The following AGK variants were observed in gnomAD, a reference collection of about 807,000 sequenced individuals.
The protein encoded by AGK is acylglycerol kinase, also known as acylglycerol kinase, mitochondrial.
Under a neutral mutation model 66.4 loss-of-function variants are expected in AGK, and 52 were observed. The ratio of observed to expected loss-of-function variants is 0.78; its 90% CI spans 0.63 to 0.99. AGK has a LOEUF of 0.99. Among genes scored for constraint, AGK ranks in the 50% least tolerant of loss-of-function variants. The pLI is 0.00. For synonymous variants in AGK, 182 were observed against 181.1 expected, an observed-to-expected ratio of 1.00 and a Z score of -0.04; for missense variants, 451 against 506.6, an observed-to-expected ratio of 0.89 and a Z score of 1.05.
chr7:141,606,923 C>T (rs907634977), intron 5 of AGK, among the ~76,000 whole-genome samples: 3 of 152,096 alleles, frequency 2.0e-5, no homozygotes, highest in Admixed American at 2.0e-4. Flanking sequence ...AGTATGTAGT[C>T]TTTTCAGATT....
intron 9 of AGK, among the ~76,000 whole-genome samples, chr7:141,624,512 G>A (rs1016062089): frequency 2.8e-4 from 42 of 152,164 alleles, no homozygotes; most frequent in African/African-American, 8.2e-4. Context: ...ACAGAAGTTT[G>A]GAAGAAGTTG....
At chr7:141,634,434 C>T (rs959590274) in intron 10 of AGK, among the ~76,000 whole-genome samples, 2 of 152,118 alleles carry the variant, frequency 1.3e-5, no homozygotes, top group Non-Finnish European at 1.5e-5. Context: ...GACCACAGGC[C>T]GCTGCTCTTA....
intron 3 of AGK, 148 bp downstream of exon 3, chr7:141,593,333 C>A: frequency 1.3e-6 from 1 of 751,972 alleles, no homozygotes; most frequent in Non-Finnish European, 2.3e-6. Context: ...CGCTGGGAGC[C>A]AACTCTGAGT....
At chr7:141,621,009 C>G (rs1302763801) in intron 8 of AGK, among the ~76,000 whole-genome samples, 1 of 152,158 alleles carries the variant, frequency 6.6e-6, no homozygotes, top group Non-Finnish European at 1.5e-5. Flanking sequence ...ATTCTGTCCA[C>G]CTAAGGGAAG....
intron 8 of AGK, among the ~76,000 whole-genome samples, chr7:141,617,133 G>A (rs1796723630): frequency 6.6e-6 from 1 of 152,134 alleles, no homozygotes; most frequent in Non-Finnish European, 1.5e-5. Flanking sequence ...TGATTCAGGT[G>A]TTGGTTACAT....
Position 141,584,969 on chromosome 7 carries a change from G to A in AGK, c.102-8177G>A, listed in dbSNP as rs746682784. ...GTTGCATTGGGCTTGGGAGAGGTAA[G>A]AAGATACAAATTTCTTTGGTAGCAG... is the stretch of plus-strand genomic sequence containing the variant. On this transcript the variant is annotated intron_variant, in intron 2 of 15. Transcript: ENST00000649286. Among the ~76,000 whole-genome samples the A allele has an allele frequency of 3.9e-4, 60 of 152,206 alleles. 1 individual carries two copies. Among genetic ancestry groups the A allele is most frequent in the Non-Finnish European group, 1.2e-4 (8 of 68,042 alleles).
chr7:141,593,093 T>G (rs997561146), intron 2 of AGK, 53 bp from the exon 3 acceptor site: 2 of 1,500,438 alleles, frequency 1.3e-6, no homozygotes, highest in African/African-American at 2.8e-5. Context: ...AAATTTTGTT[T>G]GGATCATAAT....
chr7:141,584,265 G>C (rs778915592), intron 2 of AGK, among the ~76,000 whole-genome samples: 5 of 152,122 alleles, frequency 3.3e-5, no homozygotes, highest in South Asian at 2.1e-4. Context: ...CAGTGGGGGA[G>C]CTTTTGAGCC....
rs555136932 is a variant in AGK, at chr7:141,640,696, C to T, written c.727-552C>T. 3.2e-4 allele frequency among the ~76,000 whole-genome samples: 48 copies of T among 152,130 alleles called. No individual in the cohort carries two copies. In the South Asian group the frequency reaches 8.9e-3, roughly 28 times the overall value. ...TGGGGTATGGTTTTATTCATTCATGCGGTCAGGATGTGATCCAGGGTGACA... is the reference window on the plus strand; with the variant it reads ...TGGGGTATGGTTTTATTCATTCATGTGGTCAGGATGTGATCCAGGGTGACA... On this transcript the variant is annotated intron_variant, in intron 11 of 15. Transcript: ENST00000649286.
chr7:141,574,872 G>T (rs931372461), intron 2 of AGK, among the ~76,000 whole-genome samples: 13 of 152,226 alleles, frequency 8.5e-5, no homozygotes, highest in African/African-American at 3.1e-4. Context: ...GAGCGAGAAA[G>T]AATAGGTACC....
intron 5 of AGK, among the ~76,000 whole-genome samples, chr7:141,601,585 A>C (rs1796341518): frequency 6.6e-6 from 1 of 152,244 alleles, no homozygotes; most frequent in South Asian, 2.1e-4. Flanking sequence ...CTGAAAATAC[A>C]CAACCTTCAA....
intron 2 of AGK, among the ~76,000 whole-genome samples, chr7:141,557,310 A>G (rs1371103041): frequency 6.6e-6 from 1 of 152,234 alleles, no homozygotes; most frequent in Non-Finnish European, 1.5e-5. Flanking sequence ...GCCAGCATCT[A>G]AGGAAAAAAG....
At chr7:141,638,837 A>G in intron 11 of AGK, among the ~76,000 whole-genome samples, 1 of 152,194 alleles carries the variant, frequency 6.6e-6, no homozygotes, top group East Asian at 1.9e-4. Flanking sequence ...TACCTGTGGT[A>G]CAGACAAGCA....
chr7:141,585,130 T>A (rs930777107), intron 2 of AGK, among the ~76,000 whole-genome samples: 1 of 152,218 alleles, frequency 6.6e-6, no homozygotes, highest in African/African-American at 2.4e-5. Context: ...CTTTCTGACC[T>A]GTTACACTGC....
chr7:141,614,958 T>C (rs917638461), intron 7 of AGK, among the ~76,000 whole-genome samples: 1 of 152,206 alleles, frequency 6.6e-6, no homozygotes, highest in Non-Finnish European at 1.5e-5. Flanking sequence ...CCTTACAGTA[T>C]CTATTGTATG....
intron 2 of AGK, chr7:141,562,118 G>T: frequency 2.2e-6 from 1 of 455,646 alleles, no homozygotes. Flanking sequence ...TAGGTTTAGT[G>T]TGCTGGCTTT....
At chr7:141,579,848 G>A (rs1425093349) in intron 2 of AGK, among the ~76,000 whole-genome samples, 1 of 151,996 alleles carries the variant, frequency 6.6e-6, no homozygotes, top group Admixed American at 6.5e-5. Flanking sequence ...TGCCTTGTGT[G>A]GGAAGAGATT....
intron 14 of AGK, among the ~76,000 whole-genome samples, chr7:141,651,101 A>G (rs1335416941): frequency 6.6e-6 from 1 of 152,238 alleles, no homozygotes; most frequent in Non-Finnish European, 1.5e-5. Context: ...ATATACATAA[A>G]AGAAATATCT....
chr7:141,651,798 G>T (rs1232294488), intron 15 of AGK, among the ~76,000 whole-genome samples, 189 bp downstream of exon 15: 2 of 152,224 alleles, frequency 1.3e-5, no homozygotes, highest in Non-Finnish European at 2.9e-5. Context: ...CTCCTTGGGA[G>T]TCATGGATTT....
Sources: allele counts gnomAD v4.1 joint callset (sites outside exome capture counted in the v4.1 genomes callset), GRCh38; gene constraint gnomAD v4.1.1; transcripts MANE v1.5; gene names NCBI Gene and HGNC (gene_info 2026-07-23, HGNC 2026-07-21).